FAF1: variants seen among roughly 807,000 people sequenced by gnomAD.
FAF1 encodes Fas associated factor 1.
In FAF1, 25 loss-of-function variants were observed where a neutral mutation model predicts 92.5. The observed-to-expected ratio is 0.27, with a 90% confidence interval of 0.20 to 0.38. The LOEUF (loss-of-function observed/expected upper bound fraction) is 0.38. Ranked by LOEUF, FAF1 falls within the 10% of genes least tolerant of loss-of-function variation. The pLI is 1.00. For synonymous variants in FAF1, 234 were observed against 273.2 expected, an observed-to-expected ratio of 0.86 and a Z score of 1.42; for missense variants, 636 against 793.3, an observed-to-expected ratio of 0.80 and a Z score of 2.38.
chr1:50,951,810 A>G (rs896549490), intron 1 of FAF1, among the ~76,000 whole-genome samples: 10 of 152,238 alleles, frequency 6.6e-5, no homozygotes, highest in African/African-American at 2.4e-4. Flanking sequence ...GCAACATCAC[A>G]AAAGATATCT....
chr1:50,900,856 C>T (rs1375170474), intron 1 of FAF1, among the ~76,000 whole-genome samples: 1 of 152,028 alleles, frequency 6.6e-6, no homozygotes, highest in Admixed American at 6.6e-5. Flanking sequence ...TATACATATA[C>T]ATATGCTATG....
intron 13 of FAF1, among the ~76,000 whole-genome samples, chr1:50,560,311 A>C (rs976605173): frequency 3.3e-5 from 5 of 152,250 alleles, no homozygotes; most frequent in Non-Finnish European, 5.9e-5. Context: ...GTGGAAAACT[A>C]TCACTTGAAT....
chr1:50,627,831 AAC>A (rs1653578744), intron 8 of FAF1, among the ~76,000 whole-genome samples: 1 of 140,222 alleles, frequency 7.1e-6, no homozygotes, highest in African/African-American at 2.7e-5. Flanking sequence ...TTTTCAACAA[AAC>A]ATTTTTTTTT....
At chr1:50,812,311 G>C (rs538436009) in intron 2 of FAF1, among the ~76,000 whole-genome samples, 1 of 152,180 alleles carries the variant, frequency 6.6e-6, no homozygotes, top group Admixed American at 6.5e-5. Flanking sequence ...CAGAATGGGA[G>C]AAGATATACG....
intron 2 of FAF1, among the ~76,000 whole-genome samples, chr1:50,855,348 C>T (rs1644382490): frequency 6.6e-6 from 1 of 151,710 alleles, no homozygotes; most frequent in South Asian, 2.1e-4. Flanking sequence ...TTTTTAAGTT[C>T]ATCACAATTC....
intron 6 of FAF1, among the ~76,000 whole-genome samples, chr1:50,728,769 C>T (rs796812852): frequency 4.1e-5 from 6 of 145,856 alleles, no homozygotes; most frequent in African/African-American, 1.0e-4. Flanking sequence ...CTAGCCTGGG[C>T]GACAGAGCCA....
chr1:50,866,224 G>A (rs565415998), intron 1 of FAF1, among the ~76,000 whole-genome samples: 3 of 152,066 alleles, frequency 2.0e-5, no homozygotes, highest in South Asian at 2.1e-4. Context: ...ACCCACAGCC[G>A]ACATTATACT....
At chr1:50,637,677 A>ATGTG (rs1290887015) in intron 8 of FAF1, among the ~76,000 whole-genome samples, 1 of 95,272 alleles carries the variant, frequency 1.0e-5, no homozygotes. Flanking sequence ...TCACACATAT[A>ATGTG]TATATGTGTG....
chr1:50,472,618 A>T (rs1188189354), intron 18 of FAF1, among the ~76,000 whole-genome samples: 1 of 152,136 alleles, frequency 6.6e-6, no homozygotes, highest in Admixed American at 6.6e-5. Context: ...GGTGGCAGGC[A>T]TGGGAGGTAC....
chr1:50,890,022 G>T (rs1349076930), intron 1 of FAF1, among the ~76,000 whole-genome samples: 2 of 152,148 alleles, frequency 1.3e-5, no homozygotes, highest in African/African-American at 4.8e-5. Flanking sequence ...AGGTCTCTAA[G>T]GACTTGCTTT....
At chr1:50,832,669 T>A (rs1191883405) in intron 2 of FAF1, among the ~76,000 whole-genome samples, 2 of 152,192 alleles carry the variant, frequency 1.3e-5, no homozygotes, top group East Asian at 3.8e-4. Context: ...TAAGGATAGT[T>A]ATTTGTTTTT....
intron 9 of FAF1, among the ~76,000 whole-genome samples, chr1:50,595,391 T>G (rs1651749655): frequency 6.6e-6 from 1 of 152,030 alleles, no homozygotes. Context: ...TCTCAGCACT[T>G]TGGTATAGGT....
intron 4 of FAF1, among the ~76,000 whole-genome samples, chr1:50,762,981 C>T (rs1021334789): frequency 2.6e-5 from 4 of 152,140 alleles, no homozygotes; most frequent in East Asian, 1.9e-4. Context: ...GTAGGCCAGG[C>T]GCGTTGGCTC....
At chr1:50,681,876 C>T (rs978396330) in intron 7 of FAF1, among the ~76,000 whole-genome samples, 1 of 151,652 alleles carries the variant, frequency 6.6e-6, no homozygotes, top group Non-Finnish European at 1.5e-5. Context: ...GCTCTGTTCC[C>T]AGGATGGAGT....
intron 2 of FAF1, among the ~76,000 whole-genome samples, chr1:50,813,549 C>T (rs1023881470): frequency 2.0e-5 from 3 of 152,106 alleles, no homozygotes; most frequent in Non-Finnish European, 4.4e-5. Context: ...CAGCCTCAAC[C>T]TCCATGGCTG....
At chr1:50,839,822 A>T (rs1207911279) in intron 2 of FAF1, among the ~76,000 whole-genome samples, 2 of 152,126 alleles carry the variant, frequency 1.3e-5, no homozygotes, top group Non-Finnish European at 2.9e-5. Context: ...AATAAAAGAA[A>T]AAGAATTTCA....
At position 50,627,780 on chromosome 1, in the gene FAF1, C is replaced by T. The variant is rs1048038463; in HGVS notation, c.744+27662G>A. Among the ~76,000 whole-genome samples, 4 of 152,196 alleles carry T rather than the reference C, an allele frequency of 2.6e-5. No individual in the cohort carries two copies. In the East Asian group the frequency reaches 5.8e-4, roughly 22 times the overall value. On this transcript the variant is annotated intron_variant, in intron 8 of 18. Transcript: ENST00000396153. Reference sequence around the variant, plus strand: ...ATGGCAGTATTTACTTTTAAAAATTCATCAAATTGTACATTCATGATTTGT... The same window carrying T: ...ATGGCAGTATTTACTTTTAAAAATTTATCAAATTGTACATTCATGATTTGT...
intron 4 of FAF1, among the ~76,000 whole-genome samples, chr1:50,746,900 G>A (rs764777245): frequency 1.9e-4 from 29 of 152,188 alleles, no homozygotes; most frequent in Non-Finnish European, 4.0e-4. Flanking sequence ...CTGCATCCTG[G>A]CTGCTCTGTA....
intron 6 of FAF1, among the ~76,000 whole-genome samples, chr1:50,725,622 A>AT (rs1397435650): frequency 6.6e-6 from 1 of 151,924 alleles, no homozygotes; most frequent in Non-Finnish European, 1.5e-5. Context: ...TGCCCAGCTA[A>AT]TTTTTGTATT....
Sources: allele counts gnomAD v4.1 joint callset (sites outside exome capture counted in the v4.1 genomes callset), GRCh38; gene constraint gnomAD v4.1.1; transcripts MANE v1.5; gene names NCBI Gene and HGNC (gene_info 2026-07-23, HGNC 2026-07-21).